The following TMEM71 variants were observed in gnomAD, a reference collection of about 807,000 sequenced individuals.
TMEM71 encodes the protein transmembrane protein 71.
In TMEM71, 44 loss-of-function variants were observed where a neutral mutation model predicts 38.0. The observed-to-expected ratio is 1.16, with a 90% CI of 0.91 to 1.49. TMEM71 has a LOEUF of 1.49. Among genes scored for constraint, TMEM71 ranks in the 40% most tolerant of loss-of-function variants. The pLI, the probability that TMEM71 is intolerant of heterozygous loss-of-function variation, is 0.00. For missense variants in TMEM71, 367 were observed against 348.6 expected, an observed-to-expected ratio of 1.05 and a Z score of -0.42; for synonymous variants, 133 against 122.5, an observed-to-expected ratio of 1.09 and a Z score of -0.56.
intron 5 of TMEM71, among the ~76,000 whole-genome samples, chr8:132,735,495 GA>G (rs1270794382): frequency 6.6e-6 from 1 of 152,196 alleles, no homozygotes; most frequent in Admixed American, 6.5e-5. Context: ...GTCTGGGGAA[GA>G]TGTGATTACT....
chr8:132,755,818 T>C (rs915035556), intron 3 of TMEM71, among the ~76,000 whole-genome samples: 1 of 152,216 alleles, frequency 6.6e-6, no homozygotes, highest in Non-Finnish European at 1.5e-5. Flanking sequence ...TTTTGCCCTT[T>C]ATCTACTCTT....
At chr8:132,757,825 CAA>C (rs56859505) in intron 2 of TMEM71, among the ~76,000 whole-genome samples, 2,871 of 107,132 alleles carry the variant, frequency 0.027, 59 homozygotes, top group African/African-American at 0.088. Flanking sequence ...GATTCTGTCT[CAA>C]AAAAAAAAAA....
At chr8:132,775,788 C>G in the TMEM71 span, 1 of 230,700 alleles carries the variant, frequency 4.3e-6, no homozygotes, top group Non-Finnish European at 8.3e-6. Context: ...TGTCTGGGCG[C>G]CGCAGCTCCC....
chr8:132,726,182 G>A (rs1827130976), intron 6 of TMEM71, among the ~76,000 whole-genome samples: 1 of 152,072 alleles, frequency 6.6e-6, no homozygotes, highest in Non-Finnish European at 1.5e-5. Context: ...CCTGGAGGAG[G>A]TGGCTATTGA....
chr8:132,723,484 A>G (rs542248294), intron 6 of TMEM71, among the ~76,000 whole-genome samples: 3 of 152,166 alleles, frequency 2.0e-5, no homozygotes, highest in Non-Finnish European at 2.9e-5. Flanking sequence ...AGCTCAGCTC[A>G]GGTGTAACCT....
chr8:132,752,561 C>T (rs1454979095), intron 3 of TMEM71, among the ~76,000 whole-genome samples: 1 of 152,014 alleles, frequency 6.6e-6, no homozygotes, highest in Non-Finnish European at 1.5e-5. Flanking sequence ...CTATATGTGT[C>T]TTAGTTTTAA....
At chr8:132,749,627 A>G (rs370539356) in intron 4 of TMEM71, among the ~76,000 whole-genome samples, 1 of 152,234 alleles carries the variant, frequency 6.6e-6, no homozygotes, top group African/African-American at 2.4e-5. Context: ...GCAGAGGCAT[A>G]TGATGAAAGA....
chr8:132,729,767 G>A (rs1445641863), intron 5 of TMEM71, among the ~76,000 whole-genome samples: 1 of 152,118 alleles, frequency 6.6e-6, no homozygotes, highest in Non-Finnish European at 1.5e-5. Context: ...GGTCTCAAGA[G>A]AGGCAGAAAA....
downstream of TMEM71, among the ~76,000 whole-genome samples, chr8:132,706,804 A>G (rs1297734136): frequency 3.3e-5 from 5 of 152,186 alleles, no homozygotes; most frequent in South Asian, 4.1e-4. Context: ...GATGTGATCA[A>G]ACTGGAATAT....
At chr8:132,718,541 G>T (rs1296201229) in intron 7 of TMEM71, among the ~76,000 whole-genome samples, 1 of 152,004 alleles carries the variant, frequency 6.6e-6, no homozygotes, top group Non-Finnish European at 1.5e-5. Flanking sequence ...GGGACTACAG[G>T]TGCCCACCAC....
At chr8:132,718,987 G>T (rs1318189391) in intron 7 of TMEM71, among the ~76,000 whole-genome samples, 2 of 152,080 alleles carry the variant, frequency 1.3e-5, no homozygotes, top group Non-Finnish European at 2.9e-5. Context: ...AATAAAATCT[G>T]GTGAATATCC....
intron 5 of TMEM71, among the ~76,000 whole-genome samples, chr8:132,744,470 A>G (rs899636338): frequency 6.6e-6 from 1 of 152,170 alleles, no homozygotes; most frequent in African/African-American, 2.4e-5. Context: ...GAATACCTCT[A>G]ACCAAGGACA....
At chr8:132,737,286 G>A (rs1827802743) in intron 5 of TMEM71, among the ~76,000 whole-genome samples, 1 of 152,160 alleles carries the variant, frequency 6.6e-6, no homozygotes, top group South Asian at 2.1e-4. Context: ...AGTAACGAGA[G>A]CTCTGTACTA....
chr8:132,775,410 GGCGGCGGCGGCGGCGATGGCA>G, the TMEM71 span: 1 of 382,998 alleles, frequency 2.6e-6, no homozygotes. Context: ...CGGCGGAGGC[GGCGGCGGCGGCGGCGATGGCA>G]GCGGACCCTG....
chr8:132,732,648 A>T (rs1827523096), intron 5 of TMEM71, among the ~76,000 whole-genome samples: 1 of 152,164 alleles, frequency 6.6e-6, no homozygotes, highest in South Asian at 2.1e-4. Context: ...GATTTGCGAG[A>T]TTCCCAGTCT....
intron 6 of TMEM71, 132 bp downstream of exon 6, chr8:132,727,665 GC>G: frequency 1.4e-6 from 1 of 707,016 alleles, no homozygotes; most frequent in East Asian, 2.8e-5. Context: ...TTTGGCAGAG[GC>G]CCCATGTCCT....
chr8:132,709,462 T>C (rs1214231166), downstream of TMEM71, among the ~76,000 whole-genome samples: 1 of 152,188 alleles, frequency 6.6e-6, no homozygotes, highest in Non-Finnish European at 1.5e-5. Context: ...CAATGTTACC[T>C]TATATGAAAA....
intron 5 of TMEM71, among the ~76,000 whole-genome samples, chr8:132,734,269 G>A (rs907683123): frequency 6.6e-6 from 1 of 152,040 alleles, no homozygotes; most frequent in African/African-American, 2.4e-5. Context: ...ATTCACAGGT[G>A]TCTGCATATG....
intron 6 of TMEM71, among the ~76,000 whole-genome samples, chr8:132,725,253 C>T (rs139969728): frequency 1.3e-5 from 2 of 152,162 alleles, no homozygotes; most frequent in East Asian, 3.9e-4. Context: ...TGGTCTCCAA[C>T]TCCTGGGCTC....
Sources: gnomAD v4.1 joint callset for allele counts (sites outside exome capture counted in the v4.1 genomes callset) on GRCh38, gnomAD v4.1.1 for gene constraint, MANE v1.5 for transcripts, NCBI Gene and HGNC (gene_info 2026-07-23, HGNC 2026-07-21) for gene names.